The following SLC35D4 variants were observed in gnomAD, a reference collection of about 807,000 sequenced individuals.
SLC35D4 encodes solute carrier family 35 member D4, also known as UDP-N-acetylglucosamine transporter SLC35D4.
chr18:23,303,841 C>T, the SLC35D4 span, among the ~76,000 whole-genome samples: 1 of 151,642 alleles, frequency 6.6e-6, no homozygotes, highest in South Asian at 2.1e-4. Flanking sequence ...GATGGAGGTT[C>T]CAGTGAGCTG....
At chr18:23,323,308 T>C in the SLC35D4 span, among the ~76,000 whole-genome samples, 2 of 152,216 alleles carry the variant, frequency 1.3e-5, no homozygotes, top group African/African-American at 4.8e-5. Context: ...GGTGAAAGAA[T>C]AGATCTGCCA....
the SLC35D4 span, among the ~76,000 whole-genome samples, chr18:23,371,935 G>GTTTTTTTTTTTTTTTTTTTTTTTTTTTT: frequency 2.8e-5 from 1 of 35,478 alleles, no homozygotes; most frequent in Non-Finnish European, 4.9e-5. Context: ...TGTTTTTTTT[G>GTTTTTTTTTTTTTTTTTTTTTTTTTTTT]TTTTTTTTTT....
At chr18:23,427,684 A>G in the SLC35D4 span, among the ~76,000 whole-genome samples, 1 of 152,238 alleles carries the variant, frequency 6.6e-6, no homozygotes, top group East Asian at 1.9e-4. Flanking sequence ...TACCCAAAGG[A>G]TTATAAATCA....
the SLC35D4 span, among the ~76,000 whole-genome samples, chr18:23,246,782 C>T: frequency 4.0e-5 from 6 of 151,842 alleles, no homozygotes; most frequent in Admixed American, 3.9e-4. Context: ...ATCTTCATCT[C>T]CCAGGTTCAA....
the SLC35D4 span, among the ~76,000 whole-genome samples, chr18:23,350,740 A>G: frequency 6.6e-6 from 1 of 152,020 alleles, no homozygotes; most frequent in African/African-American, 2.4e-5. Context: ...TTAACAGACA[A>G]TCCTCCAAAC....
At chr18:23,360,343 A>G in the SLC35D4 span, among the ~76,000 whole-genome samples, 3 of 152,254 alleles carry the variant, frequency 2.0e-5, no homozygotes, top group African/African-American at 7.2e-5. Flanking sequence ...GGCTGGTATG[A>G]GAATGTTCAG....
the SLC35D4 span, among the ~76,000 whole-genome samples, chr18:23,382,171 C>A: frequency 7.0e-6 from 1 of 142,246 alleles, no homozygotes; most frequent in African/African-American, 2.6e-5. Context: ...ACCCGGGCAG[C>A]GTAGGTTACA....
the SLC35D4 span, among the ~76,000 whole-genome samples, chr18:23,395,949 T>G: frequency 6.6e-6 from 1 of 152,214 alleles, no homozygotes; most frequent in East Asian, 1.9e-4. Flanking sequence ...TGGTGAGCTG[T>G]GTGTCTTTCA....
chr18:23,282,610 C>A, the SLC35D4 span, among the ~76,000 whole-genome samples: 17,841 of 152,184 alleles, frequency 0.12, 1,214 homozygotes, highest in South Asian at 0.19. Context: ...ACCCTGGGGC[C>A]CCCAAGTGAG....
the SLC35D4 span, among the ~76,000 whole-genome samples, chr18:23,423,526 C>T: frequency 6.6e-6 from 1 of 152,140 alleles, no homozygotes. Flanking sequence ...CAGGGCAGTC[C>T]CCGCTGCAAA....
At chr18:23,302,432 G>A in the SLC35D4 span, among the ~76,000 whole-genome samples, 6 of 152,182 alleles carry the variant, frequency 3.9e-5, no homozygotes, top group African/African-American at 1.4e-4. Context: ...CATCTAGCGA[G>A]TGGGGTTCAG....
At chr18:23,351,965 A>G in the SLC35D4 span, among the ~76,000 whole-genome samples, 1 of 152,340 alleles carries the variant, frequency 6.6e-6, no homozygotes, top group Admixed American at 6.5e-5. Context: ...GGAAGGAAAT[A>G]AGGAGCCTAT....
the SLC35D4 span, among the ~76,000 whole-genome samples, chr18:23,431,153 C>CAAAAAAAAAAAAAAAAAAAAAAAAA: frequency 1.5e-4 from 10 of 66,240 alleles, no homozygotes; most frequent in East Asian, 4.8e-4. Flanking sequence ...GAGTATATCT[C>CAAAAAAAAAAAAAAAAAAAAAAAAA]AAAAAAAAAA....
chr18:23,409,326 A>G, the SLC35D4 span, among the ~76,000 whole-genome samples: 1 of 152,172 alleles, frequency 6.6e-6, no homozygotes, highest in Non-Finnish European at 1.5e-5. Context: ...ACGGGATGCT[A>G]TTGTACATAT....
chr18:23,377,747 C>G, the SLC35D4 span: 1 of 1,309,946 alleles, frequency 7.6e-7, no homozygotes, highest in Non-Finnish European at 1.0e-6. Context: ...ACATTTTGAT[C>G]AAGAGGCAAA....
the SLC35D4 span, among the ~76,000 whole-genome samples, chr18:23,437,552 T>A: frequency 6.6e-6 from 1 of 152,110 alleles, no homozygotes; most frequent in Non-Finnish European, 1.5e-5. Flanking sequence ...AAAAATCCTG[T>A]TTCCCTGGAG....
chr18:23,242,639 G>A, the SLC35D4 span, among the ~76,000 whole-genome samples: 1 of 152,198 alleles, frequency 6.6e-6, no homozygotes, highest in African/African-American at 2.4e-5. Flanking sequence ...TACCTGAATG[G>A]ATTTCTGGAT....
chr18:23,334,282 G>A, the SLC35D4 span, among the ~76,000 whole-genome samples: 1 of 152,074 alleles, frequency 6.6e-6, no homozygotes, highest in Non-Finnish European at 1.5e-5. Context: ...AATTCTTCTT[G>A]GACACAGATG....
At chr18:23,383,541 A>C in the SLC35D4 span, among the ~76,000 whole-genome samples, 1 of 152,020 alleles carries the variant, frequency 6.6e-6, no homozygotes, top group South Asian at 2.1e-4. Context: ...GGAGCAGCAG[A>C]AGGTGACAGG....
Sources: gnomAD v4.1 joint callset for allele counts (sites outside exome capture counted in the v4.1 genomes callset) on GRCh38, gnomAD v4.1.1 for gene constraint, MANE v1.5 for transcripts, NCBI Gene and HGNC (gene_info 2026-07-23, HGNC 2026-07-21) for gene names.